NAALADL2: variants seen among roughly 807,000 people sequenced by gnomAD.
NAALADL2 encodes inactive N-acetylated-alpha-linked acidic dipeptidase-like protein 2.
Under a neutral mutation model 87.2 loss-of-function variants are expected in NAALADL2, and 76 were observed. That is an observed-to-expected ratio of 0.87 (90% confidence interval 0.72 to 1.05). The LOEUF (loss-of-function observed/expected upper bound fraction) is 1.05, where lower values mean the gene tolerates loss of function less well. NAALADL2 is among the 50% of genes least tolerant of loss of function. The probability of loss-of-function intolerance (pLI) is 0.00; values close to 1 mark genes in which losing one functional copy is unlikely to be tolerated. For missense variants in NAALADL2, 1,089 were observed against 945.8 expected (o/e 1.15, Z -1.99); for synonymous variants, 354 against 331.0 (o/e 1.07, Z -0.75).
chr3:175,078,234 A>G (rs901320382), intron 1 of NAALADL2, among the ~76,000 whole-genome samples: 6 of 152,000 alleles, frequency 3.9e-5, no homozygotes, highest in Non-Finnish European at 8.8e-5. Context: ...CATGTTGCCC[A>G]GGCTGGTCTC....
chr3:174,586,810 A>G (rs2108573655), intron 2 of NAALADL2, among the ~76,000 whole-genome samples: 1 of 152,248 alleles, frequency 6.6e-6, no homozygotes, highest in Middle Eastern at 3.4e-3. Context: ...TCTACTATAT[A>G]AAAAGGTATG....
At chr3:175,041,148 T>C (rs201038774) in intron 1 of NAALADL2, among the ~76,000 whole-genome samples, 2 of 152,184 alleles carry the variant, frequency 1.3e-5, no homozygotes, top group East Asian at 3.8e-4. Flanking sequence ...GCTGATGCTA[T>C]GTTTTCTAGA....
intron 11 of NAALADL2, among the ~76,000 whole-genome samples, chr3:175,702,072 T>C (rs542739239): frequency 6.6e-5 from 10 of 152,306 alleles, no homozygotes; most frequent in African/African-American, 2.2e-4. Flanking sequence ...CTGTTTTTTT[T>C]CTTCAGAAAA....
intron 3 of NAALADL2, among the ~76,000 whole-genome samples, chr3:174,811,068 G>C (rs1720134455): frequency 6.6e-6 from 1 of 152,196 alleles, no homozygotes; most frequent in Admixed American, 6.5e-5. Flanking sequence ...AAAATTAGGA[G>C]CCTCCACCTA....
chr3:175,651,026 AT>A (rs1046723802), intron 11 of NAALADL2, among the ~76,000 whole-genome samples: 19 of 152,206 alleles, frequency 1.2e-4, no homozygotes, highest in Admixed American at 5.2e-4. Context: ...AAACAAAAAA[AT>A]ATTAGTATAA....
intron 9 of NAALADL2, among the ~76,000 whole-genome samples, chr3:175,477,837 G>A (rs2149310772): frequency 6.6e-6 from 1 of 152,108 alleles, no homozygotes; most frequent in Non-Finnish European, 1.5e-5. Flanking sequence ...TTTCACTGGT[G>A]ACACAATTTA....
chr3:175,530,276 A>G (rs1177719800), intron 9 of NAALADL2, among the ~76,000 whole-genome samples: 1 of 152,174 alleles, frequency 6.6e-6, no homozygotes, highest in African/African-American at 2.4e-5. Flanking sequence ...ACAGCTTTTG[A>G]CCATTCAGAG....
chr3:174,924,235 C>T (rs1346197264), intron 1 of NAALADL2, among the ~76,000 whole-genome samples: 12 of 128,056 alleles, frequency 9.4e-5, no homozygotes, highest in South Asian at 3.1e-4. Context: ...CAACAGGCCC[C>T]GGTGCGTGAT....
chr3:174,839,479 C>G (rs1220289287), intron 3 of NAALADL2, among the ~76,000 whole-genome samples: 1 of 151,928 alleles, frequency 6.6e-6, no homozygotes, highest in East Asian at 1.9e-4. Context: ...GCAATAAAAA[C>G]AAAGATAAAT....
At chr3:174,947,741 CACAT>C (rs1304002995) in intron 1 of NAALADL2, among the ~76,000 whole-genome samples, 1 of 151,996 alleles carries the variant, frequency 6.6e-6, no homozygotes, top group Non-Finnish European at 1.5e-5. Flanking sequence ...CACACACACA[CACAT>C]ACTGACACAT....
chr3:175,454,162 T>C (rs1226680266), intron 6 of NAALADL2, among the ~76,000 whole-genome samples: 2 of 152,102 alleles, frequency 1.3e-5, no homozygotes, highest in Non-Finnish European at 2.9e-5. Context: ...ATTTGGTCCC[T>C]TTCATTTAAT....
intron 2 of NAALADL2, among the ~76,000 whole-genome samples, chr3:174,735,353 A>C (rs1251315922): frequency 6.6e-6 from 1 of 152,190 alleles, no homozygotes; most frequent in African/African-American, 2.4e-5. Flanking sequence ...TAGTTCTGCA[A>C]GTTTTCTGTT....
chr3:174,739,773 G>C (rs1476708619), intron 3 of NAALADL2, among the ~76,000 whole-genome samples: 1 of 152,038 alleles, frequency 6.6e-6, no homozygotes, highest in Non-Finnish European at 1.5e-5. Context: ...CCAACCAGGA[G>C]AATTTCAGTA....
chr3:174,865,536 A>G (rs919119726), intron 1 of NAALADL2, among the ~76,000 whole-genome samples: 2 of 151,962 alleles, frequency 1.3e-5, no homozygotes, highest in African/African-American at 2.4e-5. Context: ...AGACCAGCCT[A>G]TCTTCCATTA....
intron 3 of NAALADL2, among the ~76,000 whole-genome samples, chr3:174,763,042 A>G (rs550652762): frequency 5.9e-5 from 9 of 152,328 alleles, no homozygotes; most frequent in African/African-American, 1.4e-4. Context: ...TTCAGCAAAA[A>G]TTAATCAATG....
chr3:175,204,475 G>C (rs1029175158), intron 2 of NAALADL2, among the ~76,000 whole-genome samples: 1 of 152,148 alleles, frequency 6.6e-6, no homozygotes, highest in Non-Finnish European at 1.5e-5. Flanking sequence ...CAAACCCACA[G>C]CCAACATAAT....
chr3:175,464,285 G>A (rs895514482), intron 7 of NAALADL2, among the ~76,000 whole-genome samples: 18 of 151,790 alleles, frequency 1.2e-4, no homozygotes, highest in African/African-American at 4.3e-4. Flanking sequence ...GGTTTTCAAT[G>A]TGCTTATGAA....
At chr3:175,752,714 T>C (rs1332377198) in intron 12 of NAALADL2, among the ~76,000 whole-genome samples, 2 of 152,158 alleles carry the variant, frequency 1.3e-5, no homozygotes, top group Non-Finnish European at 2.9e-5. Flanking sequence ...TGTACTACCA[T>C]GAAAGATAAA....
At chr3:175,564,119 C>T (rs573752264) in intron 9 of NAALADL2, among the ~76,000 whole-genome samples, 5 of 151,956 alleles carry the variant, frequency 3.3e-5, no homozygotes, top group Admixed American at 3.3e-4. Context: ...CTTCTGTTTG[C>T]CAAGTCTGCA....
Sources: allele counts gnomAD v4.1 joint callset (sites outside exome capture counted in the v4.1 genomes callset), GRCh38; gene constraint gnomAD v4.1.1; transcripts MANE v1.5; gene names NCBI Gene and HGNC (gene_info 2026-07-23, HGNC 2026-07-21).